The following APBB1 variants were observed in gnomAD, a reference collection of about 807,000 sequenced individuals.
The protein encoded by APBB1 is amyloid beta precursor protein binding family B member 1, also known as adaptor protein FE65a2.
A neutral mutation model predicts 78.4 loss-of-function variants in APBB1; 22 were observed. The ratio of observed to expected loss-of-function variants is 0.28; its 90% CI spans 0.20 to 0.40. The LOEUF (loss-of-function observed/expected upper bound fraction) is 0.40. Among genes scored for constraint, APBB1 ranks in the 10% least tolerant of loss-of-function variants. The pLI, the probability that APBB1 is intolerant of heterozygous loss-of-function variation, is 1.00. For synonymous variants in APBB1, 369 were observed against 372.7 expected (o/e 0.99, Z 0.12); for missense variants, 749 against 932.4 (o/e 0.80, Z 2.56).
At chr11:6,412,942 C>A (rs1322338203) in intron 1 of APBB1, among the ~76,000 whole-genome samples, 1 of 152,084 alleles carries the variant, frequency 6.6e-6, no homozygotes, top group Non-Finnish European at 1.5e-5. Context: ...CCTCACAGCC[C>A]TTCGTGGGTC....
At chr11:6,418,955 G>A (rs1296149353) in intron 1 of APBB1, 30 bp downstream of exon 1, 1 of 389,480 alleles carries the variant, frequency 2.6e-6, no homozygotes, top group Admixed American at 4.5e-5. Context: ...GCAGCCACCG[G>A]GGCTGGGCCG....
intron 12 of APBB1, among the ~76,000 whole-genome samples, chr11:6,400,590 T>C (rs1484588305): frequency 1.3e-5 from 2 of 151,754 alleles, no homozygotes; most frequent in East Asian, 3.8e-4. Context: ...ATGTGACAAT[T>C]ATGCTCACTG....
Position 6,401,758 on chromosome 11 carries a change from AC to A in APBB1, c.1389-71del, listed in dbSNP as rs777898496. 1 of 1,557,952 alleles carries A rather than the reference AC, an allele frequency of 6.4e-7. No homozygotes were observed. ...GCTGAGCCTGGTCCCCACCCCACCC[AC>A]GTCCTCCCTGCCCATCACAGCTCCT... On this transcript the variant is annotated intron_variant, in intron 9 of 14. Transcript: ENST00000609360. The surrounding 1 kb of genome is among the most constrained non-coding windows in gnomAD (Gnocchi z 4.5).
At chr11:6,402,797 G>A (rs1848595714) in intron 6 of APBB1, 72 bp from the exon 7 acceptor site, 1 of 1,572,138 alleles carries the variant, frequency 6.4e-7, no homozygotes, top group Admixed American at 1.7e-5. Flanking sequence ...ACTACAGAGT[G>A]TGGCAGGAGG....
At chr11:6,398,826 A>G (rs897468878) in intron 12 of APBB1, among the ~76,000 whole-genome samples, 4 of 152,234 alleles carry the variant, frequency 2.6e-5, no homozygotes, top group Non-Finnish European at 2.9e-5. Flanking sequence ...TTTCAATGTA[A>G]GATTTTGGAC....
At chr11:6,412,045 G>A (rs1480613510) in intron 1 of APBB1, among the ~76,000 whole-genome samples, 5 of 152,226 alleles carry the variant, frequency 3.3e-5, no homozygotes, top group African/African-American at 1.2e-4. Flanking sequence ...CTCCCCTTGG[G>A]CACTGGTCCC....
chr11:6,419,165 C>T (rs1849197523), upstream of APBB1: 3 of 339,350 alleles, frequency 8.8e-6, no homozygotes, highest in Middle Eastern at 7.7e-4. Context: ...GGGGCGGGCG[C>T]GGGAGCGAGC....
At chr11:6,400,299 C>G (rs1174126761) in intron 12 of APBB1, among the ~76,000 whole-genome samples, 1 of 152,142 alleles carries the variant, frequency 6.6e-6, no homozygotes, top group Non-Finnish European at 1.5e-5. Flanking sequence ...CCGGCACTCT[C>G]AGAGGCCGAG....
At position 6,401,462 on chromosome 11, in the gene APBB1, G is replaced by C. The variant is rs775935131; in HGVS notation, c.1504-33C>G. On this transcript the variant is annotated intron_variant, in intron 10 of 14. Transcript: ENST00000609360. The surrounding 1 kb of genome is among the most constrained non-coding windows in gnomAD (Gnocchi z 4.5). Reference sequence around the variant, plus strand: ...AGGAAGGGAGGCGAGGAGCCAGGGAGAATCTATTAGAGCCTCATTGCCCTG... The same window carrying C: ...AGGAAGGGAGGCGAGGAGCCAGGGACAATCTATTAGAGCCTCATTGCCCTG... The C allele has an allele frequency of 6.2e-7, 1 of 1,612,972 alleles. No individual in the cohort carries two copies. Among genetic ancestry groups the C allele is most frequent in the Middle Eastern group, 1.7e-4 (1 of 6,056 alleles).
At chr11:6,409,417 C>T (rs1295090650) in intron 2 of APBB1, among the ~76,000 whole-genome samples, 1 of 152,154 alleles carries the variant, frequency 6.6e-6, no homozygotes, top group South Asian at 2.1e-4. Flanking sequence ...GAATAACCTA[C>T]GCTGGGCCTA....
chr11:6,395,968 T>A lies in APBB1; in HGVS notation c.1789-6A>T, dbSNP rs906073394. 6.2e-7 allele frequency: 1 copy of A among 1,613,168 alleles called. No homozygotes were observed. The highest frequency in any genetic ancestry group is 8.5e-7 in the Non-Finnish European group (1 of 1,179,460). ...TCTCCCAGCACTGCCTCTGTCTGCA[T>A]GGAGGGAACTCAGTTAAAAAGGAAC... On this transcript the variant is annotated splice_polypyrimidine_tract_variant and splice_region_variant and intron_variant, in intron 13 of 14. Coordinates refer to ENST00000609360, the MANE Select transcript of APBB1 (RefSeq NM_001164.5). This position sits in a 1 kb window ranked among gnomAD's most constrained non-coding sequence, Gnocchi z 5.2.
At chr11:6,399,867 A>C (rs1848413046) in intron 12 of APBB1, among the ~76,000 whole-genome samples, 1 of 151,824 alleles carries the variant, frequency 6.6e-6, no homozygotes, top group Non-Finnish European at 1.5e-5. Flanking sequence ...AGTGCCTCCC[A>C]CTGTAGACCC....
Position 6,396,219 on chromosome 11 carries a change from G to A in APBB1, c.1673-4C>T, listed in dbSNP as rs888203923. 1.9e-6 allele frequency: 3 copies of A among 1,549,724 alleles called. No individual in the cohort carries two copies. The highest frequency in any genetic ancestry group is 2.4e-5 in the East Asian group (1 of 40,912). ...GCCCCATTAATCACATCTACCCCTA[G>A]AACATATGGACACAAGATACCACTG... On this transcript the variant is annotated splice_polypyrimidine_tract_variant and splice_region_variant and intron_variant, in intron 12 of 14. Coordinates refer to ENST00000609360, the MANE Select transcript of APBB1 (RefSeq NM_001164.5).
chr11:6,401,126 C>T lies in APBB1; in HGVS notation c.1589-54G>A, dbSNP rs879887643. Reference sequence around the variant, plus strand: ...GGTGGCAGACCTTGCTCACCCGCAGCCCCACCAGCAGGGCATAAGCTGGAC... The same window carrying T: ...GGTGGCAGACCTTGCTCACCCGCAGTCCCACCAGCAGGGCATAAGCTGGAC... On this transcript the variant is annotated intron_variant, in intron 11 of 14. Transcript: ENST00000609360. This position sits in a 1 kb window ranked among gnomAD's most constrained non-coding sequence, Gnocchi z 4.5. The T allele has an allele frequency of 6.2e-7, 1 of 1,614,090 alleles. No homozygotes were observed. The highest frequency in any genetic ancestry group is 8.5e-7 in the Non-Finnish European group (1 of 1,180,002).
Position 6,410,853 on chromosome 11 carries a change from A to G in APBB1, c.495T>C (p.Asp165=), listed in dbSNP as rs772762373. 2 of 1,613,766 alleles carry G rather than the reference A, an allele frequency of 1.2e-6. No individual in the cohort carries two copies. The highest frequency in any genetic ancestry group is 1.7e-5 in the Admixed American group (1 of 59,956). Residue 165 remains aspartate, a synonymous_variant, in exon 2 of 15, where the codon GAT becomes GAC. Coordinates refer to ENST00000609360, the MANE Select transcript of APBB1 (RefSeq NM_001164.5). ...GEAEEEEEDD[D]DEEEEEDLSS... ...ATAAGTCCTCCTCCTCCTCTTCATCATCATCATCCTCCTCCTCCTCCTCGG... is the reference window on the plus strand; with the variant it reads ...ATAAGTCCTCCTCCTCCTCTTCATCGTCATCATCCTCCTCCTCCTCCTCGG...
At chr11:6,399,629 C>T (rs1848397483) in intron 12 of APBB1, among the ~76,000 whole-genome samples, 2 of 152,238 alleles carry the variant, frequency 1.3e-5, no homozygotes, top group Admixed American at 1.3e-4. Context: ...ACATCCACCT[C>T]CACCCACTTA....
rs879170136 is a variant in APBB1 at position 6,395,999 on chromosome 11, C to A, written c.1789-37G>T. 6.2e-7 allele frequency: 1 copy of A among 1,606,866 alleles called. No homozygotes were observed. The highest frequency in any genetic ancestry group is 8.5e-7 in the Non-Finnish European group (1 of 1,175,110). ...GAACTCAGTTAAAAAGGAACACCAA[C>A]CCCACACTGTGTTCCACATCCATCT... is the stretch of plus-strand genomic sequence containing the variant. On this transcript the variant is annotated intron_variant, in intron 13 of 14. Coordinates refer to ENST00000609360, the MANE Select transcript of APBB1 (RefSeq NM_001164.5). The surrounding 1 kb of genome is among the most constrained non-coding windows in gnomAD (Gnocchi z 5.2).
rs1169690857 is a variant in APBB1, at chr11:6,401,564, G to A, written c.1503+10C>T. 1.9e-6 allele frequency: 3 copies of A among 1,614,206 alleles called. No individual in the cohort carries two copies. The highest frequency in any genetic ancestry group is 1.1e-5 in the South Asian group (1 of 91,064). ...GTGGCAACTAGTCCAGGGAGTGGAG[G>A]GGGCCGTGCCTTAGAGCAGATCTCA... On this transcript the variant is annotated intron_variant, in intron 10 of 14. Coordinates refer to ENST00000609360, the MANE Select transcript of APBB1 (RefSeq NM_001164.5). This position sits in a 1 kb window ranked among gnomAD's most constrained non-coding sequence, Gnocchi z 4.5.
At chr11:6,402,873 G>A in intron 6 of APBB1, 148 bp from the exon 7 acceptor site, 3 of 1,050,428 alleles carry the variant, frequency 2.9e-6, no homozygotes, top group South Asian at 1.6e-5. Flanking sequence ...AGGGGGATGT[G>A]GTTAGGGTGA....
Sources: gnomAD v4.1 joint callset for allele counts (sites outside exome capture counted in the v4.1 genomes callset) on GRCh38, gnomAD v4.1.1 for gene constraint, Gnocchi (gnomAD v3.1) non-coding constraint, MANE v1.5 for transcripts, NCBI Gene and HGNC (gene_info 2026-07-23, HGNC 2026-07-21) for gene names.